RHBG: variants seen among roughly 807,000 people sequenced by gnomAD.
The protein encoded by RHBG is Rh family B glycoprotein.
In RHBG, 39 loss-of-function variants were observed where a neutral mutation model predicts 40.1. The ratio of observed to expected loss-of-function variants is 0.97; its 90% confidence interval spans 0.75 to 1.27. The LOEUF is 1.27. Ranked by LOEUF, RHBG falls within the 50% of genes most tolerant of loss-of-function variation. RHBG has a pLI of 0.00. For missense variants in RHBG, 549 were observed against 588.1 expected (o/e 0.93, Z 0.69); for synonymous variants, 237 against 252.5 (o/e 0.94, Z 0.58).
chr1:156,372,502 C>CAG (rs1666922824), intron 1 of RHBG, among the ~76,000 whole-genome samples: 1 of 152,150 alleles, frequency 6.6e-6, no homozygotes, highest in Non-Finnish European at 1.5e-5. Context: ...ACCTTACTTG[C>CAG]AGAGAGAGGG....
At chr1:156,382,013 G>A (rs1461964804) in intron 6 of RHBG, 55 bp from the exon 7 acceptor site, 7 of 1,608,952 alleles carry the variant, frequency 4.4e-6, no homozygotes, top group Non-Finnish European at 5.9e-6. Context: ...CTCTCCAACA[G>A]GATGAGGTGG....
chr1:156,380,398 G>T (rs924345725), intron 4 of RHBG, among the ~76,000 whole-genome samples: 1 of 151,818 alleles, frequency 6.6e-6, no homozygotes, highest in African/African-American at 2.4e-5. Context: ...ACTGTGCCCG[G>T]CCTTCTTTAC....
chr1:156,373,677 A>C (rs1356156848), intron 1 of RHBG, among the ~76,000 whole-genome samples: 1 of 152,160 alleles, frequency 6.6e-6, no homozygotes, highest in African/African-American at 2.4e-5. Flanking sequence ...TTTGATTCCA[A>C]ACAAACCTGG....
chr1:156,377,893 C>T lies in RHBG; in HGVS notation c.375-97C>T. ...TCTCCAGAACTCCAACCCCACCCCA[C>T]CCACCACATCATGCTGTCCTGGCTT... On this transcript the variant is annotated intron_variant, in intron 2 of 9. Transcript: ENST00000537040. This position sits in a 1 kb window ranked among gnomAD's most constrained non-coding sequence, Gnocchi z 4.6. 8.4e-7 allele frequency: 1 copy of T among 1,190,972 alleles called. No homozygotes were observed. The highest frequency in any genetic ancestry group is 1.2e-6 in the Non-Finnish European group (1 of 853,788). 73.8% of individuals were successfully genotyped at this position (1,190,972 alleles called of 1,614,324 possible). A position where few individuals can be genotyped will look rare whatever the true frequency, so the allele number is the denominator to read the frequency against.
chr1:156,381,636 T>A, intron 5 of RHBG, 123 bp downstream of exon 5: 1 of 1,392,508 alleles, frequency 7.2e-7, no homozygotes, highest in Admixed American at 2.3e-5. Flanking sequence ...GGGCTCCATC[T>A]GTGCTGGTGG....
rs866520151 is a variant in RHBG at position 156,383,059 on chromosome 1, C to G, written c.1234+190C>G. On this transcript the variant is annotated intron_variant, in intron 8 of 9. Transcript: ENST00000537040. ...GCAGGTGCTTGCTCCTTTCTGGTGCCGAGGGCAGCTGGGGAGTCCGCGAGG... is the reference window on the plus strand; with the variant it reads ...GCAGGTGCTTGCTCCTTTCTGGTGCGGAGGGCAGCTGGGGAGTCCGCGAGG... Among the ~76,000 whole-genome samples, 3 of 152,274 alleles carry G rather than the reference C, an allele frequency of 2.0e-5. No homozygotes were observed. In the East Asian group the frequency reaches 5.8e-4, roughly 29 times the overall value.
intron 1 of RHBG, among the ~76,000 whole-genome samples, chr1:156,373,645 T>C (rs1570989734): frequency 6.6e-6 from 1 of 152,278 alleles, no homozygotes; most frequent in African/African-American, 2.4e-5. Flanking sequence ...TAGACTCCAG[T>C]TGAAAGGCCA....
intron 1 of RHBG, among the ~76,000 whole-genome samples, chr1:156,373,720 T>C (rs929551298): frequency 1.3e-5 from 2 of 152,126 alleles, no homozygotes; most frequent in Admixed American, 1.3e-4. Context: ...ACCACACAAG[T>C]TCTGGACTGG....
chr1:156,379,137 G>A (rs887679219), intron 4 of RHBG, among the ~76,000 whole-genome samples: 2 of 151,936 alleles, frequency 1.3e-5, no homozygotes, highest in Non-Finnish European at 1.5e-5. Context: ...TGGGATTACA[G>A]GCGCGTGCCA....
rs1667328185 is a variant in RHBG at position 156,377,931 on chromosome 1, G to A, written c.375-59G>A. On this transcript the variant is annotated intron_variant, in intron 2 of 9. Coordinates refer to ENST00000537040, the MANE Select transcript of RHBG (RefSeq NM_020407.5). The surrounding 1 kb of genome is among the most constrained non-coding windows in gnomAD (Gnocchi z 4.6). ...GCTGTCCTGGCTTCATGCCAGGCAG[G>A]AACCCCGAGGCCAGCCTCTCTGACC... The A allele has an allele frequency of 6.7e-7, 1 of 1,495,286 alleles. No homozygotes were observed. Among genetic ancestry groups the A allele is most frequent in the South Asian group, 1.4e-5 (1 of 73,098 alleles). The allele number at this position is 1,495,286 out of a possible 1,614,324, so 92.6% of individuals were successfully genotyped here.
chr1:156,381,573 C>A, intron 5 of RHBG, 60 bp downstream of exon 5: 1 of 1,527,326 alleles, frequency 6.5e-7, no homozygotes, highest in South Asian at 1.3e-5. Context: ...GAGGAGAGGT[C>A]TGAGACCCTC....
At position 156,377,218 on chromosome 1, in the gene RHBG, G is replaced by A. The variant is rs1667266294; in HGVS notation, c.188-83G>A. The A allele has an allele frequency of 2.1e-6, 3 of 1,449,782 alleles. No homozygotes were observed. Among genetic ancestry groups the A allele is most frequent in the African/African-American group, 2.8e-5 (2 of 71,714 alleles). 89.8% of individuals were successfully genotyped at this position (1,449,782 alleles called of 1,614,324 possible). ...GGCAGCCCTGGCTGGTGAGAGCCAGGGGCACTGGCAGGGTAGCTGACTGGA... is the reference window on the plus strand; with the variant it reads ...GGCAGCCCTGGCTGGTGAGAGCCAGAGGCACTGGCAGGGTAGCTGACTGGA... On this transcript the variant is annotated intron_variant, in intron 1 of 9. Coordinates refer to ENST00000537040, the MANE Select transcript of RHBG (RefSeq NM_020407.5). The surrounding 1 kb of genome is among the most constrained non-coding windows in gnomAD (Gnocchi z 4.6).
intron 1 of RHBG, among the ~76,000 whole-genome samples, chr1:156,369,821 C>CA (rs2101743949): frequency 6.6e-6 from 1 of 152,198 alleles, no homozygotes; most frequent in East Asian, 1.9e-4. Flanking sequence ...TGGGCTGTTC[C>CA]AGAGACTGCC....
rs1351273951 is a variant in RHBG at position 156,369,322 on chromosome 1, GCCA to G, written c.75_77del (p.Thr26del). The G allele has an allele frequency of 1.9e-6, 3 of 1,614,200 alleles. No individual in the cohort carries two copies. Among genetic ancestry groups the G allele is most frequent in the Non-Finnish European group, 2.5e-6 (3 of 1,180,042 alleles). On this transcript the variant is annotated inframe_deletion, in exon 1 of 10. Coordinates refer to ENST00000537040, the MANE Select transcript of RHBG (RefSeq NM_020407.5). ...CCTGCTGTGCCTCTTCCTCCAGGGC[GCCA>G]CTGCCGTCCTCTTTGCTGTCTTTGT...
intron 4 of RHBG, among the ~76,000 whole-genome samples, chr1:156,380,962 C>T (rs1303696124): frequency 6.6e-6 from 1 of 151,920 alleles, no homozygotes; most frequent in Non-Finnish European, 1.5e-5. Context: ...TATAGTGGCA[C>T]GATCTCAGCT....
At position 156,381,458 on chromosome 1, in the gene RHBG, C is replaced by T; in HGVS notation, c.785C>T (p.Thr262Ile). The T allele has an allele frequency of 6.2e-7, 1 of 1,614,008 alleles. No homozygotes were observed. The highest frequency in any genetic ancestry group is 8.5e-7 in the Non-Finnish European group (1 of 1,179,936). The part of the protein sequence containing the change: ...LNTYYSLAAS[T>I]LGTFALSALV... ...ACATACTACTCCCTGGCTGCCAGCA[C>T]CCTTGGCACCTTTGCCTTGTCAGCC... is the stretch of plus-strand genomic sequence containing the variant. The change falls in exon 5 of 10, where the codon ACC becomes ATC. Residue 262 changes from threonine to isoleucine, a missense_variant. Physicochemically the swap from Thr to Ile is moderately conservative, Grantham distance 89 (BLOSUM62 -1). Around this residue, in one of 3 missense-constraint regions of RHBG, gnomAD observed 399 missense variants for 417.0 expected, o/e 0.96. Coordinates refer to ENST00000537040, the MANE Select transcript of RHBG (RefSeq NM_020407.5).
chr1:156,378,278 T>C lies in RHBG; in HGVS notation c.552T>C (p.Thr184=). The C allele has an allele frequency of 6.2e-7, 1 of 1,613,932 alleles. No individual in the cohort carries two copies. Among genetic ancestry groups the C allele is most frequent in the Non-Finnish European group, 8.5e-7 (1 of 1,179,976 alleles). ...TGAGAGATGCCGGAGGCTCCATGACTATCCACACCTTTGGTGCCTACTTCG... is the reference window on the plus strand; with the variant it reads ...TGAGAGATGCCGGAGGCTCCATGACCATCCACACCTTTGGTGCCTACTTCG... The part of the protein sequence containing the change: ...LGVRDAGGSM[T]IHTFGAYFGL... The change falls in exon 4 of 10, where the codon ACT becomes ACC. Residue 184 remains threonine, a synonymous_variant. Transcript: ENST00000537040.
Position 156,381,451 on chromosome 1 carries a change from G to T in RHBG, c.778G>T (p.Ala260Ser). 1.2e-6 allele frequency: 2 copies of T among 1,614,058 alleles called. No individual in the cohort carries two copies. The highest frequency in any genetic ancestry group is 1.7e-6 in the Non-Finnish European group (2 of 1,179,968). The change falls in exon 5 of 10, where the codon GCC (alanine) becomes TCC (serine). Residue 260 changes from alanine to serine, a missense_variant. Around this residue, in one of 3 missense-constraint regions of RHBG, gnomAD observed 399 missense variants for 417.0 expected, o/e 0.96. Coordinates refer to ENST00000537040, the MANE Select transcript of RHBG (RefSeq NM_020407.5). The stretch of plus-strand genomic sequence containing the variant: ...CCTCAACACATACTACTCCCTGGCT[G>T]CCAGCACCCTTGGCACCTTTGCCTT... ...TALNTYYSLA[A>S]STLGTFALSA...
chr1:156,372,627 C>T (rs1011680730), intron 1 of RHBG, among the ~76,000 whole-genome samples: 1 of 152,152 alleles, frequency 6.6e-6, no homozygotes, highest in African/African-American at 2.4e-5. Flanking sequence ...TCCACTGTCC[C>T]CTAGAGGCAG....
Sources: gnomAD v4.1 joint callset for allele counts (sites outside exome capture counted in the v4.1 genomes callset) on GRCh38, gnomAD v4.1.1 for gene constraint, gnomAD v4.1.1 regional missense constraint, Gnocchi (gnomAD v3.1) non-coding constraint, MANE v1.5 for transcripts, NCBI Gene and HGNC (gene_info 2026-07-23, HGNC 2026-07-21) for gene names.